Variants in SULF1 observed in about 807,000 individuals in gnomAD.
SULF1 encodes the protein extracellular sulfatase Sulf-1.
In SULF1, 46 loss-of-function variants were observed where a neutral mutation model predicts 110.5. That is an observed-to-expected ratio of 0.42 (90% CI 0.33 to 0.53). SULF1 has a LOEUF of 0.53. SULF1 is among the 20% of genes least tolerant of loss of function. The probability of loss-of-function intolerance (pLI) is 0.12; values close to 1 mark genes in which losing one functional copy is unlikely to be tolerated. For synonymous variants in SULF1, 371 were observed against 387.1 expected (o/e 0.96, Z 0.49); for missense variants, 941 against 1,094.2 (o/e 0.86, Z 1.98).
chr8:69,598,863 GA>G (rs1807556995), intron 8 of SULF1, among the ~76,000 whole-genome samples: 1 of 152,156 alleles, frequency 6.6e-6, no homozygotes, highest in South Asian at 2.1e-4. Context: ...AGCTCAATGT[GA>G]TATTATTTGT....
chr8:69,570,599 T>C (rs970642750), intron 5 of SULF1, among the ~76,000 whole-genome samples: 5 of 152,194 alleles, frequency 3.3e-5, no homozygotes, highest in African/African-American at 4.8e-5. Flanking sequence ...AGTTGGAGTA[T>C]ATAAAGTGAT....
At chr8:69,584,447 A>G (rs35208220) in intron 6 of SULF1, 68,608 of 152,084 alleles carry the variant, frequency 0.45, 16,586 homozygotes, top group South Asian at 0.61. Flanking sequence ...TGGTAATTCC[A>G]TTTTAGGCAA....
At chr8:69,592,894 C>T (rs1807015469) in intron 8 of SULF1, 1 of 986,636 alleles carries the variant, frequency 1.0e-6, no homozygotes, top group African/African-American at 1.7e-5. Flanking sequence ...TTGTGATGAG[C>T]CTCTCACACC....
chr8:69,610,153 T>C (rs187731299), intron 13 of SULF1, among the ~76,000 whole-genome samples: 147 of 152,334 alleles, frequency 9.6e-4, no homozygotes, highest in Admixed American at 2.6e-3. Context: ...CTTTCTACTA[T>C]TGGATCAATA....
chr8:69,566,968 T>C (rs1419471587), intron 5 of SULF1, among the ~76,000 whole-genome samples: 2 of 152,228 alleles, frequency 1.3e-5, no homozygotes, highest in African/African-American at 4.8e-5. Context: ...TAGCTTGTGG[T>C]GAGCAAGTAA....
At chr8:69,550,653 A>G (rs1186651431) in intron 3 of SULF1, among the ~76,000 whole-genome samples, 1 of 152,210 alleles carries the variant, frequency 6.6e-6, no homozygotes, top group Non-Finnish European at 1.5e-5. Flanking sequence ...TCCCGGCACT[A>G]GTCCACGTGG....
intron 22 of SULF1, chr8:69,641,205 G>A (rs1811446669): frequency 1.0e-5 from 2 of 196,394 alleles, no homozygotes; most frequent in East Asian, 1.2e-4. Context: ...TTGATTTGGT[G>A]GGGGAGCTTC....
chr8:69,658,743 C>T lies in SULF1; in HGVS notation c.*208C>T, dbSNP rs768899476. On this transcript the variant is annotated 3_prime_UTR_variant, in exon 23 of 23. Coordinates refer to ENST00000402687, the MANE Select transcript of SULF1 (RefSeq NM_001128205.2). ...ATAAGACTCAAACTGCTCAAAGTGA[C>T]GGGTTCTTGGTTGTCTCTGCTGAGC... 2.1e-5 allele frequency: 14 copies of T among 669,166 alleles called. No homozygotes were observed. The highest frequency in any genetic ancestry group is 2.4e-4 in the Middle Eastern group (1 of 4,196). The allele number at this position is 669,166 out of a possible 1,614,324, so 41.5% of individuals were successfully genotyped here.
At chr8:69,500,844 G>C (rs1364972446) in intron 2 of SULF1, among the ~76,000 whole-genome samples, 2 of 152,130 alleles carry the variant, frequency 1.3e-5, no homozygotes, top group East Asian at 3.9e-4. Flanking sequence ...GGGGTGATGA[G>C]AGTCGTGTGG....
At chr8:69,634,731 C>A (rs751939564) in intron 19 of SULF1, among the ~76,000 whole-genome samples, 2 of 151,766 alleles carry the variant, frequency 1.3e-5, no homozygotes, top group Non-Finnish European at 2.9e-5. Flanking sequence ...CAGAGTGAGA[C>A]CCTGTCTCAA....
rs1283222278 is a variant in SULF1, at chr8:69,623,807, C to T, written c.1595-135C>T. The stretch of plus-strand genomic sequence containing the variant: ...AACCTCTGCTACCGTGAATTGCAGG[C>T]ACCACGATGCCACTCAGCAATGCAG... On this transcript the variant is annotated intron_variant, in intron 14 of 22. Transcript: ENST00000402687. The T allele has an allele frequency of 3.9e-6, 4 of 1,013,434 alleles. No individual in the cohort carries two copies. The African/African-American group carries it at 6.5e-5, about 17-fold the overall frequency. 62.8% of individuals were successfully genotyped at this position (1,013,434 alleles called of 1,614,324 possible).
chr8:69,483,107 T>A (rs1273711928), intron 1 of SULF1, among the ~76,000 whole-genome samples: 1 of 151,914 alleles, frequency 6.6e-6, no homozygotes, highest in African/African-American at 2.4e-5. Context: ...TATGTCATCA[T>A]ATATCAGGGA....
intron 13 of SULF1, among the ~76,000 whole-genome samples, chr8:69,613,852 C>T (rs970124528): frequency 1.3e-5 from 2 of 152,064 alleles, no homozygotes; most frequent in Non-Finnish European, 2.9e-5. Context: ...ACAATCTATT[C>T]TCATGACTAT....
chr8:69,616,444 C>T (rs980470424), intron 13 of SULF1, among the ~76,000 whole-genome samples: 2 of 151,868 alleles, frequency 1.3e-5, no homozygotes, highest in African/African-American at 4.8e-5. Flanking sequence ...CTCTGTCACC[C>T]AGCCCGGAAT....
At chr8:69,639,342 T>C (rs1044102957) in intron 21 of SULF1, among the ~76,000 whole-genome samples, 2 of 152,222 alleles carry the variant, frequency 1.3e-5, no homozygotes, top group African/African-American at 4.8e-5. Flanking sequence ...TTGCCAGTAT[T>C]TTTCGTCTGA....
intron 5 of SULF1, among the ~76,000 whole-genome samples, chr8:69,568,055 T>G (rs1804921823): frequency 6.6e-6 from 1 of 152,212 alleles, no homozygotes; most frequent in African/African-American, 2.4e-5. Flanking sequence ...AAGTGTTATC[T>G]CATTGTCACT....
chr8:69,631,766 T>A (rs1016736522), intron 19 of SULF1, among the ~76,000 whole-genome samples: 3 of 152,204 alleles, frequency 2.0e-5, no homozygotes, highest in Non-Finnish European at 4.4e-5. Context: ...CACAGCCCCG[T>A]GCCCAGAAAA....
intron 19 of SULF1, among the ~76,000 whole-genome samples, chr8:69,633,896 G>T (rs757766676): frequency 6.6e-6 from 1 of 151,960 alleles, no homozygotes; most frequent in Non-Finnish European, 1.5e-5. Context: ...CAAAGGTATT[G>T]TATTTGTATA....
chr8:69,617,916 C>G (rs1246854815), intron 13 of SULF1, among the ~76,000 whole-genome samples: 3 of 152,172 alleles, frequency 2.0e-5, no homozygotes, highest in Non-Finnish European at 2.9e-5. Flanking sequence ...CACATGCCGC[C>G]CCCACCAATT....
Sources: allele counts gnomAD v4.1 joint callset (sites outside exome capture counted in the v4.1 genomes callset), GRCh38; gene constraint gnomAD v4.1.1; transcripts MANE v1.5; gene names NCBI Gene and HGNC (gene_info 2026-07-23, HGNC 2026-07-21).